Variants in ALK observed in about 807,000 individuals in gnomAD.
ALK encodes the protein ALK receptor tyrosine kinase.
Under a neutral mutation model 163.1 loss-of-function variants are expected in ALK, and 74 were observed. That is an observed-to-expected ratio of 0.45 (90% CI 0.38 to 0.55). ALK has a LOEUF of 0.55. Among genes scored for constraint, ALK ranks in the 20% least tolerant of loss-of-function variants. The probability of loss-of-function intolerance (pLI) is 0.00; values close to 1 mark genes in which losing one functional copy is unlikely to be tolerated. For synonymous variants in ALK, 960 were observed against 843.2 expected, an observed-to-expected ratio of 1.14 and a Z score of -2.40; for missense variants, 2,063 against 2,105.3, an observed-to-expected ratio of 0.98 and a Z score of 0.39.
intron 4 of ALK, among the ~76,000 whole-genome samples, chr2:29,430,747 A>C (rs933651635): frequency 5.3e-5 from 8 of 152,244 alleles, no homozygotes; most frequent in Non-Finnish European, 8.8e-5. Context: ...AATACTGTTT[A>C]ATGAATGAAC....
chr2:29,582,908 T>C (rs1674754502), intron 3 of ALK, among the ~76,000 whole-genome samples: 1 of 148,410 alleles, frequency 6.7e-6, no homozygotes, highest in Non-Finnish European at 1.5e-5. Context: ...TTTTACCCAC[T>C]CTGGAGTGTG....
At chr2:29,504,315 G>A (rs527461969) in intron 4 of ALK, among the ~76,000 whole-genome samples, 1 of 152,240 alleles carries the variant, frequency 6.6e-6, no homozygotes, top group South Asian at 2.1e-4. Flanking sequence ...AGGGCTTTAG[G>A]CTGAGATTTT....
chr2:29,548,003 T>C (rs62131119), intron 3 of ALK, among the ~76,000 whole-genome samples: 72,220 of 152,120 alleles, frequency 0.47, 18,431 homozygotes, highest in Non-Finnish European at 0.58. Context: ...CACATTTAAC[T>C]GGACATCCTG....
At position 29,239,692 on chromosome 2, in the gene ALK, G is replaced by T; in HGVS notation, c.2343C>A (p.Asp781Glu). The T allele has an allele frequency of 6.2e-7, 1 of 1,613,890 alleles. No individual in the cohort carries two copies. The highest frequency in any genetic ancestry group is 8.5e-7 in the Non-Finnish European group (1 of 1,180,032). Reference sequence around the variant, plus strand: ...TCTGGGCACTTACACTGGGGCAGGCGTCCTCTCCCTGCTGCCCAACCAGGA... The same window carrying T: ...TCTGGGCACTTACACTGGGGCAGGCTTCCTCTCCCTGCTGCCCAACCAGGA... ...LYILVGQQGE[D>E]ACPSTNQLIQ... The change falls in exon 13 of 29, where the codon GAC (aspartate) becomes GAA (glutamate). Residue 781 changes from aspartate to glutamate, a missense_variant. Coordinates refer to ENST00000389048, the MANE Select transcript of ALK (RefSeq NM_004304.5).
At chr2:29,230,055 G>A (rs936786495) in intron 15 of ALK, among the ~76,000 whole-genome samples, 4 of 152,194 alleles carry the variant, frequency 2.6e-5, no homozygotes, top group Admixed American at 2.6e-4. Context: ...TGTTCCATAG[G>A]ACATTTGAAT....
intron 2 of ALK, among the ~76,000 whole-genome samples, chr2:29,697,556 T>A (rs980704780): frequency 7.2e-5 from 11 of 152,172 alleles, no homozygotes; most frequent in Non-Finnish European, 1.2e-4. Context: ...AGCTGGCTTA[T>A]GGATTAACAG....
rs142467772 is a variant in ALK at position 29,775,976 on chromosome 2, A to G, written c.668-58279T>C. On this transcript the variant is annotated intron_variant, in intron 1 of 28. Coordinates refer to ENST00000389048, the MANE Select transcript of ALK (RefSeq NM_004304.5). ...AGGAAACTCCCAGGTATACTAGGGT[A>G]ACATCTGGAAGGCAGTGATGGAGAG... Among the ~76,000 whole-genome samples the G allele has an allele frequency of 8.3e-4, 126 of 152,358 alleles. 1 individual carries two copies. In the Middle Eastern group the frequency reaches 0.034, roughly 41 times the overall value.
In ALK at chr2:29,531,949, C is replaced by T; in HGVS notation, c.1120G>A (p.Glu374Lys). The change falls in exon 4 of 29, where the codon GAG (glutamate) becomes AAG (lysine). Residue 374 changes from glutamate (E) to lysine (K), a missense_variant. Physicochemically the swap from Glu to Lys is moderately conservative, Grantham distance 56. Coordinates refer to ENST00000389048, the MANE Select transcript of ALK (RefSeq NM_004304.5). ...QLLPHNEAAR[E>K]ILLMPTPGKH... Reference sequence around the variant, plus strand: ...CCTGGAGTGGGCATCAGGAGGATCTCTCTTGCAGCCTCGTTGTGGGGCAGC... The same window carrying T: ...CCTGGAGTGGGCATCAGGAGGATCTTTCTTGCAGCCTCGTTGTGGGGCAGC... The T allele has an allele frequency of 6.2e-7, 1 of 1,614,152 alleles. No individual in the cohort carries two copies. The highest frequency in any genetic ancestry group is 8.5e-7 in the Non-Finnish European group (1 of 1,180,012).
Position 29,246,402 on chromosome 2 carries a change from C to A in ALK, c.2204+4703G>T, listed in dbSNP as rs1287809089. Among the ~76,000 whole-genome samples, 1 of 152,138 alleles carries A rather than the reference C, an allele frequency of 6.6e-6. No individual in the cohort carries two copies. Among genetic ancestry groups the A allele is most frequent in the Non-Finnish European group, 1.5e-5 (1 of 68,016 alleles). On this transcript the variant is annotated intron_variant, in intron 12 of 28. Coordinates refer to ENST00000389048, the MANE Select transcript of ALK (RefSeq NM_004304.5). The surrounding 1 kb of genome is among the most constrained non-coding windows in gnomAD (Gnocchi z 4.3). Reference sequence around the variant, plus strand: ...TATGACAACACGAGGATGCTGTCCCCCTCCCCAGCACAAACCCCATAATCC... The same window carrying A: ...TATGACAACACGAGGATGCTGTCCCACTCCCCAGCACAAACCCCATAATCC...
chr2:29,835,620 TC>T (rs1665538484), intron 1 of ALK, among the ~76,000 whole-genome samples: 1 of 152,174 alleles, frequency 6.6e-6, no homozygotes, highest in African/African-American at 2.4e-5. Context: ...TTTGCCTGTG[TC>T]CCCACTCAAA....
intron 3 of ALK, among the ~76,000 whole-genome samples, chr2:29,678,140 G>A (rs1677942440): frequency 6.6e-6 from 1 of 151,968 alleles, no homozygotes; most frequent in South Asian, 2.1e-4. Context: ...TTAGGGTCAA[G>A]AGTGATGGTC....
At chr2:29,593,156 G>T (rs2148208341) in intron 3 of ALK, among the ~76,000 whole-genome samples, 1 of 152,318 alleles carries the variant, frequency 6.6e-6, no homozygotes, top group Admixed American at 6.5e-5. Context: ...TTACGCCAGT[G>T]CCTGGCTGGC....
chr2:29,727,510 C>T (rs1037029914), intron 1 of ALK, among the ~76,000 whole-genome samples: 1 of 152,144 alleles, frequency 6.6e-6, no homozygotes, highest in East Asian at 1.9e-4. Flanking sequence ...CTTTTTCAAG[C>T]TTTGTTTCTC....
intron 4 of ALK, among the ~76,000 whole-genome samples, chr2:29,466,728 G>T (rs1307044435): frequency 1.3e-5 from 2 of 152,204 alleles, no homozygotes; most frequent in Non-Finnish European, 2.9e-5. Flanking sequence ...TACATTTGAT[G>T]AAAATGAGGT....
At chr2:29,804,417 T>A (rs911648474) in intron 1 of ALK, among the ~76,000 whole-genome samples, 1 of 152,224 alleles carries the variant, frequency 6.6e-6, no homozygotes, top group African/African-American at 2.4e-5. Flanking sequence ...ATGCCCAGCA[T>A]TGTTTGGGTC....
At chr2:29,709,631 C>T (rs1481354418) in intron 2 of ALK, among the ~76,000 whole-genome samples, 4 of 152,096 alleles carry the variant, frequency 2.6e-5, no homozygotes, top group Non-Finnish European at 4.4e-5. Flanking sequence ...AGCGGGGAGA[C>T]ACATAAAAAT....
intron 4 of ALK, among the ~76,000 whole-genome samples, chr2:29,504,836 T>G (rs1672273350): frequency 6.6e-6 from 1 of 152,172 alleles, no homozygotes; most frequent in African/African-American, 2.4e-5. Context: ...TATTGCGGTT[T>G]TTGCCATTAC....
intron 4 of ALK, among the ~76,000 whole-genome samples, chr2:29,510,581 AAT>A (rs1400163319): frequency 6.6e-6 from 1 of 152,366 alleles, no homozygotes; most frequent in East Asian, 1.9e-4. Flanking sequence ...CAATAATTAT[AAT>A]ATGTTTGCAG....
At chr2:29,281,251 T>C (rs1482335690) in intron 9 of ALK, among the ~76,000 whole-genome samples, 3 of 152,080 alleles carry the variant, frequency 2.0e-5, no homozygotes, top group South Asian at 2.1e-4. Context: ...CTAGAGAACA[T>C]AGTTACTCCT....
Sources: allele counts gnomAD v4.1 joint callset (sites outside exome capture counted in the v4.1 genomes callset), GRCh38; gene constraint gnomAD v4.1.1; non-coding constraint Gnocchi (gnomAD v3.1); transcripts MANE v1.5; gene names NCBI Gene and HGNC (gene_info 2026-07-23, HGNC 2026-07-21).